WWC1: variants seen among roughly 807,000 people sequenced by gnomAD.
The protein encoded by WWC1 is protein KIBRA.
A neutral mutation model predicts 138.4 loss-of-function variants in WWC1; 55 were observed. The ratio of observed to expected loss-of-function variants is 0.40; its 90% confidence interval spans 0.32 to 0.50. The LOEUF (loss-of-function observed/expected upper bound fraction) is 0.50. WWC1 is among the 20% of genes least tolerant of loss of function. WWC1 has a pLI of 0.72. For missense variants in WWC1, 1,226 were observed against 1,420.4 expected (o/e 0.86, Z 2.20); for synonymous variants, 524 against 564.9 (o/e 0.93, Z 1.03).
chr5:168,433,201 C>T (rs539200796), intron 15 of WWC1, among the ~76,000 whole-genome samples: 4 of 152,370 alleles, frequency 2.6e-5, no homozygotes, highest in African/African-American at 4.8e-5. Flanking sequence ...GCTGAAGCAG[C>T]GCTTCAAACT....
intron 1 of WWC1, among the ~76,000 whole-genome samples, chr5:168,316,299 C>G (rs1276441567): frequency 6.6e-6 from 1 of 152,194 alleles, no homozygotes; most frequent in Admixed American, 6.5e-5. Context: ...TGCCTGGGAT[C>G]GAAAGGACAT....
intron 1 of WWC1, among the ~76,000 whole-genome samples, chr5:168,299,498 C>A (rs1769866811): frequency 6.6e-6 from 1 of 152,204 alleles, no homozygotes; most frequent in South Asian, 2.1e-4. Context: ...AAGGAGTTCA[C>A]AGTCCTTTCC....
At chr5:168,417,556 A>G (rs1419082256) in intron 9 of WWC1, among the ~76,000 whole-genome samples, 2 of 152,064 alleles carry the variant, frequency 1.3e-5, no homozygotes, top group Admixed American at 6.6e-5. Flanking sequence ...AGAAGACCAC[A>G]AGTTTGCTAA....
intron 3 of WWC1, among the ~76,000 whole-genome samples, chr5:168,391,006 G>C (rs150468420): frequency 9.5e-4 from 145 of 152,344 alleles, no homozygotes; most frequent in African/African-American, 3.1e-3. Flanking sequence ...CACTGGTAAA[G>C]AGTGGCAAGG....
intron 3 of WWC1, among the ~76,000 whole-genome samples, chr5:168,393,740 CAGAG>C (rs1046468951): frequency 6.6e-6 from 1 of 152,172 alleles, no homozygotes; most frequent in Non-Finnish European, 1.5e-5. Context: ...CAGCCGAACA[CAGAG>C]AGCAGCTCGC....
At chr5:168,307,889 T>C (rs1485643132) in intron 1 of WWC1, among the ~76,000 whole-genome samples, 4 of 152,064 alleles carry the variant, frequency 2.6e-5, no homozygotes, top group Non-Finnish European at 4.4e-5. Context: ...GGATTACAGG[T>C]GTGGGCCACC....
intron 1 of WWC1, among the ~76,000 whole-genome samples, chr5:168,299,300 G>T (rs188142682): frequency 6.6e-6 from 1 of 152,184 alleles, no homozygotes; most frequent in Non-Finnish European, 1.5e-5. Flanking sequence ...TGAACCTGAT[G>T]TGGATCTCAG....
Position 168,428,617 on chromosome 5 carries a change from A to G in WWC1, c.1920-90A>G, listed in dbSNP as rs532670347. 1.3e-4 allele frequency: 177 copies of G among 1,366,814 alleles called. 2 individuals are homozygous for G. The South Asian group carries it at 2.0e-3, about 16-fold the overall frequency. 84.7% of individuals were successfully genotyped at this position (1,366,814 alleles called of 1,614,324 possible). On this transcript the variant is annotated intron_variant, in intron 12 of 22. Coordinates refer to ENST00000265293, the MANE Select transcript of WWC1 (RefSeq NM_015238.3). Reference sequence around the variant, plus strand: ...CTGAAGGGAAGCTGAGCAAACCCCAACTTTCCTTCCTGGGGATGTAACCTC... The same window carrying G: ...CTGAAGGGAAGCTGAGCAAACCCCAGCTTTCCTTCCTGGGGATGTAACCTC...
intron 1 of WWC1, among the ~76,000 whole-genome samples, chr5:168,313,608 A>T (rs989688766): frequency 1.3e-5 from 2 of 151,848 alleles, no homozygotes; most frequent in Admixed American, 6.6e-5. Flanking sequence ...AAAAAAAAAA[A>T]GCAGAATCCC....
intron 1 of WWC1, among the ~76,000 whole-genome samples, chr5:168,336,946 T>A (rs62385620): frequency 0.089 from 13,587 of 152,254 alleles, 808 homozygotes; most frequent in Non-Finnish European, 0.12. Flanking sequence ...ATGGTGTATG[T>A]GCTCAACATA....
In WWC1 at chr5:168,337,306, A is replaced by G. The variant is rs143938744; in HGVS notation, c.120-34118A>G. Among the ~76,000 whole-genome samples the G allele has an allele frequency of 9.0e-3, 1,357 of 151,166 alleles. 24 individuals carry two copies. The highest frequency in any genetic ancestry group is 0.031 in the African/African-American group (1,260 of 41,084). On this transcript the variant is annotated intron_variant, in intron 1 of 22. Transcript: ENST00000265293. ...TTTGCATGAATTCTTTTTTTTCCTT[A>G]CTTCAGGCGTATTCATCTTTCAAAA...
intron 5 of WWC1, among the ~76,000 whole-genome samples, chr5:168,404,699 G>A (rs550220514): frequency 3.3e-5 from 5 of 152,222 alleles, no homozygotes; most frequent in South Asian, 4.1e-4. Context: ...TGGTGTTCCC[G>A]CAGACTGTAA....
chr5:168,398,568 A>G (rs1209100855), intron 4 of WWC1, among the ~76,000 whole-genome samples: 1 of 152,258 alleles, frequency 6.6e-6, no homozygotes, highest in Non-Finnish European at 1.5e-5. Flanking sequence ...TGATTACCTT[A>G]GGGCATAAAT....
At chr5:168,415,234 C>G (rs1463557983) in intron 9 of WWC1, 10 of 152,238 alleles carry the variant, frequency 6.6e-5, no homozygotes, top group Non-Finnish European at 1.5e-4. Context: ...CAGGTGCTGT[C>G]TCTCTGCTCC....
chr5:168,308,843 C>T (rs1381731603), intron 1 of WWC1, among the ~76,000 whole-genome samples: 1 of 152,214 alleles, frequency 6.6e-6, no homozygotes, highest in Non-Finnish European at 1.5e-5. Flanking sequence ...CACATCAAAA[C>T]AATCTCTTCC....
chr5:168,467,775 G>T, intron 21 of WWC1, 65 bp from the exon 22 acceptor site: 1 of 1,607,806 alleles, frequency 6.2e-7, no homozygotes, highest in South Asian at 1.1e-5. Flanking sequence ...TTGTGATAGC[G>T]AGTTCTCCTT....
intron 17 of WWC1, among the ~76,000 whole-genome samples, chr5:168,450,063 C>T (rs75933228): frequency 0.04 from 6,133 of 152,272 alleles, 167 homozygotes; most frequent in East Asian, 0.084. Context: ...ACACTCTCGC[C>T]GAGCTAGCTA....
At chr5:168,374,167 GA>G (rs1345295431) in intron 2 of WWC1, among the ~76,000 whole-genome samples, 2 of 152,134 alleles carry the variant, frequency 1.3e-5, no homozygotes, top group Admixed American at 1.3e-4. Context: ...ACTCTTCTGG[GA>G]GCTTGCGATA....
intron 10 of WWC1, among the ~76,000 whole-genome samples, chr5:168,422,494 G>A (rs998099063): frequency 6.6e-6 from 1 of 152,206 alleles, no homozygotes; most frequent in African/African-American, 2.4e-5. Flanking sequence ...GTGCATGCCT[G>A]TGGTCCCAGC....
Sources: allele counts gnomAD v4.1 joint callset (sites outside exome capture counted in the v4.1 genomes callset), GRCh38; gene constraint gnomAD v4.1.1; transcripts MANE v1.5; gene names NCBI Gene and HGNC (gene_info 2026-07-23, HGNC 2026-07-21).